Variants in DSC3 observed in about 807,000 individuals in gnomAD.
DSC3 encodes desmocollin 3, also known as desmocollin-3.
Under a neutral mutation model 89.5 loss-of-function variants are expected in DSC3, and 97 were observed. The observed-to-expected ratio is 1.08, with a 90% confidence interval of 0.92 to 1.28. The LOEUF is 1.28. DSC3 is among the 50% of genes most tolerant of loss of function. DSC3 has a pLI of 0.00. For missense variants in DSC3, 1,199 were observed against 1,085.3 expected (o/e 1.10, Z -1.47); for synonymous variants, 436 against 384.1 (o/e 1.14, Z -1.58).
intron 14 of DSC3, 84 bp from the exon 15 acceptor site, chr18:30,997,132 G>A (rs893393391): frequency 7.3e-6 from 11 of 1,514,250 alleles, no homozygotes. Context: ...GAGAATATTT[G>A]TTCAACCTTT....
At position 31,004,301 on chromosome 18, in the gene DSC3, C is replaced by T. The variant is rs762643300; in HGVS notation, c.1954G>A (p.Val652Ile). 1 of 1,613,860 alleles carries T rather than the reference C, an allele frequency of 6.2e-7. No individual in the cohort carries two copies. The highest frequency in any genetic ancestry group is 1.3e-5 in the African/African-American group (1 of 74,884). The stretch of plus-strand genomic sequence containing the variant: ...GCAGCTTGGCCGGCCCTGTCTTTTA[C>T]AGTAATAGGAATGGTATATTCTTGA... ...GFQEYTIPIT[V>I]KDRAGQAATK... Residue 652 changes from valine (V) to isoleucine (I), a missense_variant, in exon 13 of 16, where the codon GTA (valine) becomes ATA (isoleucine). By Grantham distance (29) the Val-to-Ile change is conservative. Transcript: ENST00000360428.
At chr18:31,021,554 T>C (rs889261488) in intron 7 of DSC3, among the ~76,000 whole-genome samples, 12 of 152,352 alleles carry the variant, frequency 7.9e-5, no homozygotes, top group African/African-American at 2.9e-4. Context: ...TCTAGTCATA[T>C]TGACTCTTCT....
chr18:31,032,162 T>G (rs1985810896), intron 2 of DSC3, 30 bp downstream of exon 2: 1 of 1,501,342 alleles, frequency 6.7e-7, no homozygotes, highest in Non-Finnish European at 9.3e-7. Context: ...ACTAAATTTC[T>G]GCTTTAAAAA....
chr18:31,012,341 C>T lies in DSC3; in HGVS notation c.1264-3816G>A, dbSNP rs77462933. Among the ~76,000 whole-genome samples the T allele has an allele frequency of 8.6e-3, 1,311 of 152,264 alleles. 8 individuals are homozygous for T. The highest frequency in any genetic ancestry group is 0.013 in the Non-Finnish European group (912 of 68,012). ...TGTGCAAATGAAGTAATGGCTTTAT[C>T]AAGCTAAGTAACTCAAGTATGGAAA... On this transcript the variant is annotated intron_variant, in intron 9 of 15. Coordinates refer to ENST00000360428, the MANE Select transcript of DSC3 (RefSeq NM_001941.5).
chr18:31,005,725 A>T (rs1313583), intron 12 of DSC3, among the ~76,000 whole-genome samples: 38,546 of 152,080 alleles, frequency 0.25, 5,337 homozygotes, highest in East Asian at 0.59. Context: ...AATTGCAAAC[A>T]TTCTAGGAAA....
chr18:31,018,400 A>G (rs1464689784), intron 8 of DSC3, 144 bp from the exon 9 acceptor site: 5 of 755,720 alleles, frequency 6.6e-6, no homozygotes, highest in Non-Finnish European at 8.3e-6. Context: ...CTATTGTTTC[A>G]TTAAGGGTTA....
intron 6 of DSC3, among the ~76,000 whole-genome samples, chr18:31,023,437 C>G (rs1293596031): frequency 1.3e-5 from 2 of 152,218 alleles, no homozygotes; most frequent in East Asian, 3.9e-4. Flanking sequence ...TAAACCTTCA[C>G]TACACACAAT....
rs527772600 is a variant in DSC3 at position 31,004,167 on chromosome 18, T to C, written c.2088A>G (p.Ile696Met). The C allele has an allele frequency of 7.4e-6, 12 of 1,613,662 alleles. No individual in the cohort carries two copies. In the African/African-American group the frequency reaches 1.5e-4, roughly 20 times the overall value. Residue 696 changes from isoleucine to methionine, a missense_variant, in exon 13 of 16, where the codon ATA becomes ATG. By Grantham distance (10) the Ile-to-Met change is conservative. Transcript: ENST00000360428. ...AAAAGAGCAGTGCTATACCCAGTAA[T>C]ATTGCAAGGATTGCCCATTTTCCAA... ...VILGKWAILA[I>M]LLGIALLFSV...
In DSC3 at chr18:30,993,549, G is replaced by C. The variant is rs1324237199; in HGVS notation, c.*626C>G. The C allele has an allele frequency of 6.6e-6, 1 of 152,000 alleles. No individual in the cohort carries two copies. Among genetic ancestry groups the C allele is most frequent in the Non-Finnish European group, 1.5e-5 (1 of 68,062 alleles). 9.4% of individuals were successfully genotyped at this position (152,000 alleles called of 1,614,324 possible). A position where few individuals can be genotyped will look rare whatever the true frequency, so the allele number is the denominator to read the frequency against. Reference sequence around the variant, plus strand: ...TCAAGTTTTTACCATTTTCCTCTTTGTTCTCATTTCATTTTAAATATTGCA... The same window carrying C: ...TCAAGTTTTTACCATTTTCCTCTTTCTTCTCATTTCATTTTAAATATTGCA... On this transcript the variant is annotated 3_prime_UTR_variant, in exon 16 of 16. Coordinates refer to ENST00000360428, the MANE Select transcript of DSC3 (RefSeq NM_001941.5).
chr18:31,039,885 A>G (rs946846435), intron 1 of DSC3, among the ~76,000 whole-genome samples: 1 of 152,176 alleles, frequency 6.6e-6, no homozygotes, highest in African/African-American at 2.4e-5. Flanking sequence ...GACTTTTTTA[A>G]GCTTGCAGTT....
Position 30,993,888 on chromosome 18 carries a change from C to T in DSC3, c.*287G>A. On this transcript the variant is annotated 3_prime_UTR_variant, in exon 16 of 16. Coordinates refer to ENST00000360428, the MANE Select transcript of DSC3 (RefSeq NM_001941.5). ...AGCTATTGTTGGACTAATATTTATC[C>T]AGCATATTTATTACTAAAATATCCG... The T allele has an allele frequency of 2.0e-5, 6 of 295,298 alleles. No homozygotes were observed. Among genetic ancestry groups the T allele is most frequent in the South Asian group, 3.8e-5 (1 of 26,068 alleles). The allele number at this position is 295,298 out of a possible 1,614,324, so 18.3% of individuals were successfully genotyped here.
intron 11 of DSC3, 73 bp downstream of exon 11, chr18:31,007,943 A>G (rs1984910620): frequency 1.5e-6 from 2 of 1,368,954 alleles, no homozygotes; most frequent in Admixed American, 3.8e-5. Flanking sequence ...CACCAAAATA[A>G]ATCTGCATAA....
At chr18:30,997,190 A>G (rs149823015) in intron 14 of DSC3, 142 bp from the exon 15 acceptor site, 11 of 1,076,648 alleles carry the variant, frequency 1.0e-5, no homozygotes, top group African/African-American at 7.8e-5. Flanking sequence ...TCAGTTTCTA[A>G]TTATGTGCCC....
In DSC3 at chr18:31,006,925, TC is replaced by T; in HGVS notation, c.1869del (p.Trp623Ter). ...TAAATACCATTAACTTTGGTGAGGC[TC>T]CACAGTCTACTGATTTCTGGAGAAG... is the stretch of plus-strand genomic sequence containing the variant. ...PNTSPEISRL[W>X]SLTKVNDTAA... On this transcript the variant is annotated frameshift_variant, in exon 12 of 16. Transcript: ENST00000360428. LOFTEE classifies it high-confidence loss of function. 1.2e-6 allele frequency: 2 copies of T among 1,613,056 alleles called. No homozygotes were observed. Among genetic ancestry groups the T allele is most frequent in the Non-Finnish European group, 1.7e-6 (2 of 1,179,240 alleles).
intron 2 of DSC3, among the ~76,000 whole-genome samples, chr18:31,031,912 T>C (rs1325453506): frequency 6.6e-6 from 1 of 152,202 alleles, no homozygotes; most frequent in East Asian, 1.9e-4. Flanking sequence ...TCTCAAAGGG[T>C]TCATTTGCTG....
chr18:30,995,953 C>T (rs1984439440), intron 15 of DSC3, among the ~76,000 whole-genome samples: 1 of 108,218 alleles, frequency 9.2e-6, no homozygotes, highest in Non-Finnish European at 1.7e-5. Flanking sequence ...GCCTCAGCGA[C>T]AGAGCAAGAC....
chr18:30,997,417 G>A (rs1490256960), intron 14 of DSC3, among the ~76,000 whole-genome samples: 1 of 151,972 alleles, frequency 6.6e-6, no homozygotes, highest in Non-Finnish European at 1.5e-5. Flanking sequence ...AGCAACAGGG[G>A]GCTGAACTTG....
chr18:31,011,590 G>A (rs1985059520), intron 9 of DSC3, among the ~76,000 whole-genome samples: 1 of 152,128 alleles, frequency 6.6e-6, no homozygotes, highest in East Asian at 1.9e-4. Flanking sequence ...GTACTCAAAA[G>A]GTTAGTCATC....
At chr18:31,037,312 A>G (rs982034939) in intron 1 of DSC3, among the ~76,000 whole-genome samples, 1 of 152,154 alleles carries the variant, frequency 6.6e-6, no homozygotes, top group Non-Finnish European at 1.5e-5. Context: ...AGTATCTGTT[A>G]ATAGATAGTG....
Sources: allele counts gnomAD v4.1 joint callset (sites outside exome capture counted in the v4.1 genomes callset), GRCh38; gene constraint gnomAD v4.1.1; transcripts MANE v1.5; gene names NCBI Gene and HGNC (gene_info 2026-07-23, HGNC 2026-07-21).